The following STRN3 variants were observed in gnomAD, a reference collection of about 807,000 sequenced individuals.
STRN3 encodes striatin-3.
STRN3 carries 29 observed loss-of-function variants against 95.6 expected under a neutral mutation model. The observed-to-expected ratio is 0.30, with a 90% CI of 0.23 to 0.41. STRN3 has a LOEUF of 0.41. STRN3 is among the 10% of genes least tolerant of loss of function. The pLI is 1.00. For synonymous variants in STRN3, 331 were observed against 357.6 expected (o/e 0.93, Z 0.84); for missense variants, 890 against 972.1 (o/e 0.92, Z 1.12).
chr14:30,896,150 TATA>T (rs1397696266), intron 16 of STRN3, among the ~76,000 whole-genome samples: 2 of 152,214 alleles, frequency 1.3e-5, no homozygotes, highest in Non-Finnish European at 2.9e-5. Context: ...TTTCACTTAA[TATA>T]ATGTTTTAAG....
intron 1 of STRN3, among the ~76,000 whole-genome samples, chr14:31,004,850 G>T (rs1333231125): frequency 1.3e-5 from 2 of 152,084 alleles, no homozygotes; most frequent in African/African-American, 4.8e-5. Flanking sequence ...TCTGACACAG[G>T]TCTAAAACAA....
intron 1 of STRN3, among the ~76,000 whole-genome samples, chr14:30,972,826 T>C (rs1880902490): frequency 6.6e-6 from 1 of 151,918 alleles, no homozygotes; most frequent in Non-Finnish European, 1.5e-5. Flanking sequence ...TAATGGAGTA[T>C]AACTTGTAAT....
At chr14:30,951,004 A>G (rs530450472) in intron 3 of STRN3, 60 bp from the exon 4 acceptor site, 3 of 1,436,694 alleles carry the variant, frequency 2.1e-6, no homozygotes, top group African/African-American at 1.4e-5. Context: ...AAATATTGCC[A>G]AAGTTTTCTT....
chr14:30,911,143 C>T lies in STRN3; in HGVS notation c.1618G>A (p.Ala540Thr), dbSNP rs147388980. 1.9e-6 allele frequency: 3 copies of T among 1,613,572 alleles called. No homozygotes were observed. The highest frequency in any genetic ancestry group is 2.5e-6 in the Non-Finnish European group (3 of 1,179,942). ...CACTGTTCTCCATTAGAACTAATAG[C>T]TAATGACAGAACAGGGCCGCTATTG... ...RAHIGPVLSL[A>T]ISSNGEQCFS... Residue 540 changes from alanine (A) to threonine (T), a missense_variant, in exon 13 of 18, where the codon GCT becomes ACT. Around this residue, in one of 3 missense-constraint regions of STRN3, gnomAD observed 357 missense variants for 422.8 expected, o/e 0.84. Coordinates refer to ENST00000357479, the MANE Select transcript of STRN3 (RefSeq NM_001083893.2).
In STRN3 at chr14:30,906,931, A is replaced by G; in HGVS notation, c.1834T>C (p.Leu612=). 1 of 1,613,902 alleles carries G rather than the reference A, an allele frequency of 6.2e-7. No individual in the cohort carries two copies. Among genetic ancestry groups the G allele is most frequent in the South Asian group, 1.1e-5 (1 of 91,070 alleles). Residue 612 remains leucine, a synonymous_variant, in exon 14 of 18, where the codon TTA becomes CTA. Transcript: ENST00000357479. ...GGCAATTTTTCTTGTGGATTCCATAACCTAACAGTGCCATCTGCTGAACAA... is the reference window on the plus strand; with the variant it reads ...GGCAATTTTTCTTGTGGATTCCATAGCCTAACAGTGCCATCTGCTGAACAA... The part of the protein sequence containing the change: ...LSCSADGTVR[L]WNPQEKLPCI...
Position 30,927,239 on chromosome 14 carries a change from G to A in STRN3, c.1099+1962C>T, listed in dbSNP as rs1440411990. On this transcript the variant is annotated intron_variant, in intron 8 of 17. Coordinates refer to ENST00000357479, the MANE Select transcript of STRN3 (RefSeq NM_001083893.2). ...GAGGTGGGAGGATATCTTGAGGACA[G>A]GAGAGTTTGAGGCTACAGTGAGCTA... 3.3e-5 allele frequency among the ~76,000 whole-genome samples: 5 copies of A among 152,100 alleles called. No individual in the cohort carries two copies. In the East Asian group the frequency reaches 9.7e-4, roughly 29 times the overall value.
intron 10 of STRN3, among the ~76,000 whole-genome samples, chr14:30,913,003 A>C (rs1019556176): frequency 6.6e-6 from 1 of 152,136 alleles, no homozygotes; most frequent in Non-Finnish European, 1.5e-5. Context: ...ATCCAAGACA[A>C]GTTTCACCTC....
chr14:30,916,599 C>CT (rs1308391425), intron 9 of STRN3, among the ~76,000 whole-genome samples: 5 of 151,250 alleles, frequency 3.3e-5, no homozygotes, highest in Non-Finnish European at 5.9e-5. Context: ...TTAATATCTT[C>CT]TTTTTTTTTC....
chr14:30,973,040 C>G (rs1382577641), intron 1 of STRN3, among the ~76,000 whole-genome samples: 1 of 152,144 alleles, frequency 6.6e-6, no homozygotes, highest in Non-Finnish European at 1.5e-5. Flanking sequence ...GAAATCCTAT[C>G]TCTACAAAAA....
chr14:31,012,660 G>A lies in STRN3; in HGVS notation c.282+13244C>T, dbSNP rs976489513. Among the ~76,000 whole-genome samples the A allele has an allele frequency of 5.9e-5, 9 of 152,288 alleles. No individual in the cohort carries two copies. The South Asian group carries it at 1.9e-3, about 32-fold the overall frequency. ...TGTTATCCCAGCAATTTGGGAGACCGAGGCGGGTGGATCACGAGGTCAGCA... is the reference window on the plus strand; with the variant it reads ...TGTTATCCCAGCAATTTGGGAGACCAAGGCGGGTGGATCACGAGGTCAGCA... On this transcript the variant is annotated intron_variant, in intron 1 of 17. Coordinates refer to ENST00000357479, the MANE Select transcript of STRN3 (RefSeq NM_001083893.2).
chr14:30,941,622 CTTAAACTT>C (rs1879097016), intron 5 of STRN3, among the ~76,000 whole-genome samples: 1 of 150,964 alleles, frequency 6.6e-6, no homozygotes, highest in African/African-American at 2.4e-5. Context: ...CATTGTGCTT[CTTAAACTT>C]TTTTTTTCCC....
intron 1 of STRN3, among the ~76,000 whole-genome samples, chr14:30,975,171 A>C (rs1881031565): frequency 6.7e-6 from 1 of 149,492 alleles, no homozygotes; most frequent in Non-Finnish European, 1.5e-5. Context: ...AATGCCTATC[A>C]ACCAACGAGT....
At chr14:30,938,326 T>C (rs1209441637) in intron 5 of STRN3, among the ~76,000 whole-genome samples, 1 of 152,212 alleles carries the variant, frequency 6.6e-6, no homozygotes, top group African/African-American at 2.4e-5. Flanking sequence ...CAACAAAATA[T>C]ACTTTCAGCT....
chr14:31,016,213 T>G (rs1883228097), intron 1 of STRN3, among the ~76,000 whole-genome samples: 1 of 152,172 alleles, frequency 6.6e-6, no homozygotes, highest in Non-Finnish European at 1.5e-5. Flanking sequence ...TGGTATTTAC[T>G]CAAATTACAT....
rs574319942 is a variant in STRN3, at chr14:31,022,753, G to A, written c.282+3151C>T. On this transcript the variant is annotated intron_variant, in intron 1 of 17. Coordinates refer to ENST00000357479, the MANE Select transcript of STRN3 (RefSeq NM_001083893.2). ...ACAGACTTGGGTTCAAATCTCAGCT[G>A]CAATACTTTATGGCTAGGTGACCTT... Among the ~76,000 whole-genome samples, 129 of 152,160 alleles carry A rather than the reference G, an allele frequency of 8.5e-4. 1 individual carries two copies. Among genetic ancestry groups the A allele is most frequent in the African/African-American group, 3.0e-3 (124 of 41,514 alleles).
chr14:31,006,987 C>G (rs1231578908), intron 1 of STRN3, among the ~76,000 whole-genome samples: 9 of 152,054 alleles, frequency 5.9e-5, no homozygotes, highest in Non-Finnish European at 1.0e-4. Flanking sequence ...GACCCTGTCT[C>G]TAAAATAAAT....
At position 30,894,713 on chromosome 14, in the gene STRN3, C is replaced by T; in HGVS notation, c.*698G>A. 5.7e-6 allele frequency: 1 copy of T among 176,200 alleles called. No homozygotes were observed. Among genetic ancestry groups the T allele is most frequent in the Non-Finnish European group, 1.2e-5 (1 of 83,516 alleles). 10.9% of individuals were successfully genotyped at this position (176,200 alleles called of 1,614,324 possible). The stretch of plus-strand genomic sequence containing the variant: ...GCAAAAGAAGGAAAGAAAGTGGTTA[C>T]AGGGCAACGGGTCAGTGAGATCTCT... On this transcript the variant is annotated 3_prime_UTR_variant, in exon 18 of 18. Transcript: ENST00000357479.
intron 1 of STRN3, among the ~76,000 whole-genome samples, chr14:30,968,678 C>CAAA (rs202184920): frequency 1.6e-5 from 2 of 127,862 alleles, no homozygotes; most frequent in Non-Finnish European, 1.7e-5. Flanking sequence ...GACTCCATCT[C>CAAA]AAAAAAAAAA....
At chr14:30,896,726 G>A (rs1338613916) in intron 16 of STRN3, among the ~76,000 whole-genome samples, 1 of 152,012 alleles carries the variant, frequency 6.6e-6, no homozygotes, top group Non-Finnish European at 1.5e-5. Context: ...CTTATCCTTT[G>A]AAATATAATC....
Sources: gnomAD v4.1 joint callset for allele counts (sites outside exome capture counted in the v4.1 genomes callset) on GRCh38, gnomAD v4.1.1 for gene constraint, gnomAD v4.1.1 regional missense constraint, MANE v1.5 for transcripts, NCBI Gene and HGNC (gene_info 2026-07-23, HGNC 2026-07-21) for gene names.